The following CALCRL variants were observed in gnomAD, a reference collection of about 807,000 sequenced individuals.
CALCRL encodes the protein calcitonin gene-related peptide type 1 receptor.
CALCRL carries 27 observed loss-of-function variants against 60.4 expected under a neutral mutation model. That is an observed-to-expected ratio of 0.45 (90% CI 0.33 to 0.62). The LOEUF (loss-of-function observed/expected upper bound fraction) is 0.62. Among genes scored for constraint, CALCRL ranks in the 20% least tolerant of loss-of-function variants. The pLI is 0.03. For synonymous variants in CALCRL, 190 were observed against 182.6 expected (o/e 1.04, Z -0.33); for missense variants, 424 against 540.7 (o/e 0.78, Z 2.14).
intron 12 of CALCRL, among the ~76,000 whole-genome samples, chr2:187,354,018 A>G (rs1686658707): frequency 6.6e-6 from 1 of 152,004 alleles, no homozygotes; most frequent in African/African-American, 2.4e-5. Context: ...ATTTTTCCAC[A>G]CAACATAGTT....
At chr2:187,396,898 C>T (rs187537592) in intron 1 of CALCRL, among the ~76,000 whole-genome samples, 1 of 151,560 alleles carries the variant, frequency 6.6e-6, no homozygotes, top group African/African-American at 2.4e-5. Flanking sequence ...TAATAATTCA[C>T]ATAATGAAGG....
intron 1 of CALCRL, among the ~76,000 whole-genome samples, chr2:187,409,648 C>T (rs1312876788): frequency 1.3e-5 from 2 of 152,158 alleles, no homozygotes; most frequent in African/African-American, 2.4e-5. Flanking sequence ...GATGCAGGCC[C>T]TTGTGAAACT....
At chr2:187,370,154 C>A (rs1687460431) in intron 8 of CALCRL, among the ~76,000 whole-genome samples, 1 of 152,220 alleles carries the variant, frequency 6.6e-6, no homozygotes. Context: ...TTTTTGACAT[C>A]TTAATGTTTC....
chr2:187,382,774 T>C (rs961496760), intron 5 of CALCRL, among the ~76,000 whole-genome samples: 3 of 152,052 alleles, frequency 2.0e-5, no homozygotes, highest in Admixed American at 6.6e-5. Flanking sequence ...GTGTGTGTTA[T>C]GAAAAACAAC....
chr2:187,371,463 T>C (rs552850783), intron 8 of CALCRL, among the ~76,000 whole-genome samples: 1 of 152,204 alleles, frequency 6.6e-6, no homozygotes, highest in East Asian at 1.9e-4. Flanking sequence ...GTCAAACCTC[T>C]GACAGTGCAG....
At chr2:187,374,462 G>C (rs1687659901) in intron 8 of CALCRL, among the ~76,000 whole-genome samples, 1 of 152,100 alleles carries the variant, frequency 6.6e-6, no homozygotes, top group Admixed American at 6.6e-5. Flanking sequence ...TTAGGTGTGA[G>C]ACTAGATGAT....
At chr2:187,418,067 A>C (rs548659021) in intron 1 of CALCRL, among the ~76,000 whole-genome samples, 25 of 152,156 alleles carry the variant, frequency 1.6e-4, no homozygotes, top group African/African-American at 5.6e-4. Context: ...TTTGAGGTTA[A>C]ATGTAAAAAG....
At chr2:187,355,963 A>C (rs886718894) in intron 12 of CALCRL, among the ~76,000 whole-genome samples, 1 of 152,182 alleles carries the variant, frequency 6.6e-6, no homozygotes, top group Non-Finnish European at 1.5e-5. Context: ...GGACCTCTTC[A>C]AGGAGAACTA....
intron 1 of CALCRL, among the ~76,000 whole-genome samples, chr2:187,415,974 AC>A (rs1261125767): frequency 1.3e-5 from 2 of 151,778 alleles, no homozygotes; most frequent in South Asian, 2.1e-4. Flanking sequence ...TTCCATGCAG[AC>A]CCCCTGAAGA....
intron 5 of CALCRL, among the ~76,000 whole-genome samples, chr2:187,381,801 T>G (rs1031194638): frequency 3.3e-5 from 5 of 152,152 alleles, no homozygotes; most frequent in Non-Finnish European, 7.3e-5. Context: ...CCTTGATTGC[T>G]GCATGAGATG....
intron 1 of CALCRL, among the ~76,000 whole-genome samples, chr2:187,414,879 T>C (rs115807974): frequency 7.5e-4 from 8 of 10,668 alleles, no homozygotes; most frequent in Non-Finnish European, 4.7e-3. Context: ...GAAAATTATT[T>C]TTTTTTTTTT....
At chr2:187,346,716 C>T (rs10931283) in intron 14 of CALCRL, among the ~76,000 whole-genome samples, 84,012 of 151,526 alleles carry the variant, frequency 0.55, 24,260 homozygotes, top group East Asian at 0.68. Flanking sequence ...CCCCCATTTA[C>T]AAGATTTCAT....
intron 1 of CALCRL, among the ~76,000 whole-genome samples, chr2:187,389,937 G>A (rs1189757105): frequency 6.6e-6 from 1 of 152,036 alleles, no homozygotes; most frequent in Non-Finnish European, 1.5e-5. Context: ...GTTAACAAAT[G>A]TTTACCATAT....
At chr2:187,416,367 T>A (rs532717127) in intron 1 of CALCRL, among the ~76,000 whole-genome samples, 1 of 152,320 alleles carries the variant, frequency 6.6e-6, no homozygotes, top group Admixed American at 6.5e-5. Flanking sequence ...CACGTCATAC[T>A]GAATGACATA....
At chr2:187,366,456 T>C (rs1687296452) in intron 8 of CALCRL, among the ~76,000 whole-genome samples, 1 of 152,006 alleles carries the variant, frequency 6.6e-6, no homozygotes, top group Non-Finnish European at 1.5e-5. Context: ...TTTGGGAAGA[T>C]GGATATGCTA....
intron 1 of CALCRL, among the ~76,000 whole-genome samples, chr2:187,406,504 A>AG (rs1417546091): frequency 1.3e-5 from 2 of 152,066 alleles, no homozygotes; most frequent in Non-Finnish European, 2.9e-5. Context: ...GCTAAGAAAA[A>AG]GGGAAAGGCA....
rs1691273762 is a variant in CALCRL, at chr2:187,448,026, A to C, written c.-293+13T>G. ...ACTTAGAATAAATATATTTATTTTG[A>C]ATGTGCACTTACCCAGTCCAGCTCT... On this transcript the variant is annotated intron_variant, in intron 1 of 14. Coordinates refer to ENST00000392370, the MANE Select transcript of CALCRL (RefSeq NM_005795.6). 6.6e-6 allele frequency: 1 copy of C among 152,114 alleles called. No individual in the cohort carries two copies. Among genetic ancestry groups the C allele is most frequent in the African/African-American group, 2.4e-5 (1 of 41,436 alleles). The allele number at this position is 152,114 out of a possible 1,614,324, so 9.4% of individuals were successfully genotyped here. A position where few individuals can be genotyped will look rare whatever the true frequency, so the allele number is the denominator to read the frequency against.
At chr2:187,400,056 ATAATT>A (rs1388402413) in intron 1 of CALCRL, among the ~76,000 whole-genome samples, 1 of 151,516 alleles carries the variant, frequency 6.6e-6, no homozygotes, top group African/African-American at 2.4e-5. Context: ...ACAGTTAAAA[ATAATT>A]TATATTTTCA....
chr2:187,363,516 A>G lies in CALCRL; in HGVS notation c.501-14T>C. ...CAACTTAGGCTCCTAAAAAGCAAGA[A>G]AAACAAGTGTGTTGACATCATGAAA... On this transcript the variant is annotated splice_polypyrimidine_tract_variant and intron_variant, in intron 8 of 14. Coordinates refer to ENST00000392370, the MANE Select transcript of CALCRL (RefSeq NM_005795.6). The G allele has an allele frequency of 1.3e-6, 2 of 1,585,754 alleles. No individual in the cohort carries two copies. The highest frequency in any genetic ancestry group is 1.8e-5 in the Admixed American group (1 of 55,106).
Sources: allele counts gnomAD v4.1 joint callset (sites outside exome capture counted in the v4.1 genomes callset), GRCh38; gene constraint gnomAD v4.1.1; transcripts MANE v1.5; gene names NCBI Gene and HGNC (gene_info 2026-07-23, HGNC 2026-07-21).